The following GAB4 variants were observed in gnomAD, a reference collection of about 807,000 sequenced individuals.
GAB4 encodes GRB2 associated binding protein family member 4.
In GAB4, 26 loss-of-function variants were observed where a neutral mutation model predicts 51.3. The ratio of observed to expected loss-of-function variants is 0.51; its 90% CI spans 0.37 to 0.70. The LOEUF is 0.70. Among genes scored for constraint, GAB4 ranks in the 30% least tolerant of loss-of-function variants. GAB4 has a pLI of 0.00. For missense variants in GAB4, 759 were observed against 734.6 expected, an observed-to-expected ratio of 1.03 and a Z score of -0.38; for synonymous variants, 329 against 291.2, an observed-to-expected ratio of 1.13 and a Z score of -1.32.
chr22:16,964,826 G>C lies in GAB4; in HGVS notation c.1416C>G (p.Ile472Met), dbSNP rs1412424073. ...CTGTGTTGGTGATGCTCTGCGTGGA[G>C]ATGGGGTGTTGGGAGGAGCTGGAGT... ...TFDSSSSQHP[I>M]STQSITNTDS... The change falls in exon 8 of 10, where the codon ATC (isoleucine) becomes ATG (methionine). Residue 472 changes from isoleucine (I) to methionine (M), a missense_variant. This residue lies in a region of GAB4 where 588 missense variants were observed against 510.2 expected (regional missense o/e 1.15). Coordinates refer to ENST00000400588, the MANE Select transcript of GAB4 (RefSeq NM_001037814.1). 28 of 1,613,994 alleles carry C rather than the reference G, an allele frequency of 1.7e-5. No homozygotes were observed. Among genetic ancestry groups the C allele is most frequent in the Non-Finnish European group, 2.2e-5 (26 of 1,179,998 alleles).
chr22:16,997,463 T>A (rs2060959046), intron 1 of GAB4, among the ~76,000 whole-genome samples: 1 of 152,252 alleles, frequency 6.6e-6, no homozygotes, highest in Non-Finnish European at 1.5e-5. Context: ...TGTCTGTTCA[T>A]ATCCTTTGCC....
In GAB4 at chr22:16,962,875, G is replaced by A; in HGVS notation, c.1583C>T (p.Pro528Leu). Reference protein sequence around the residue: ...YAALDFQPSKPSIGSVTSGKK... With the variant: ...YAALDFQPSKLSIGSVTSGKK... ...GCCGGACGTGACAGAGCCTATGGATGGCTGAGGGACAGAGGGTGGAAGTGG... is the reference window on the plus strand; with the variant it reads ...GCCGGACGTGACAGAGCCTATGGATAGCTGAGGGACAGAGGGTGGAAGTGG... Residue 528 changes from proline to leucine, a missense_variant and splice_region_variant, in exon 10 of 10, where the codon CCA becomes CTA. By Grantham distance (98) the Pro-to-Leu change is moderately conservative. Transcript: ENST00000400588. The A allele has an allele frequency of 4.3e-6, 7 of 1,611,984 alleles. No homozygotes were observed. The highest frequency in any genetic ancestry group is 5.9e-6 in the Non-Finnish European group (7 of 1,178,804).
rs560216878 is a variant in GAB4 at position 16,963,915 on chromosome 22, G to A, written c.1477-86C>T. The A allele has an allele frequency of 1.6e-4, 159 of 992,188 alleles. 3 individuals are homozygous for A. The South Asian group carries it at 1.9e-3, about 12-fold the overall frequency. 61.5% of individuals were successfully genotyped at this position (992,188 alleles called of 1,614,324 possible). On this transcript the variant is annotated intron_variant, in intron 8 of 9. Transcript: ENST00000400588. ...GGAACACACCTGTGGGCGTAGCTAC[G>A]AGCCCACTGGGTCCTACTCTGAGCC...
At chr22:17,002,270 T>A (rs2061003783) in intron 1 of GAB4, among the ~76,000 whole-genome samples, 1 of 151,888 alleles carries the variant, frequency 6.6e-6, no homozygotes, top group African/African-American at 2.4e-5. Context: ...TATTTGGCCA[T>A]CTTGGAACCT....
intron 5 of GAB4, chr22:16,967,201 G>C (rs947516590): frequency 6.6e-6 from 1 of 151,222 alleles, no homozygotes; most frequent in Admixed American, 6.6e-5. Flanking sequence ...AGCACAGGCC[G>C]TGCACCATGC....
At chr22:16,997,910 C>T (rs1259875467) in intron 1 of GAB4, among the ~76,000 whole-genome samples, 1 of 152,192 alleles carries the variant, frequency 6.6e-6, no homozygotes, top group Non-Finnish European at 1.5e-5. Context: ...GGAATCCTTT[C>T]CCCATTTCTT....
At chr22:16,981,614 G>A (rs2123684741) in intron 3 of GAB4, among the ~76,000 whole-genome samples, 1 of 152,188 alleles carries the variant, frequency 6.6e-6, no homozygotes, top group Non-Finnish European at 1.5e-5. Context: ...GAAGTCACAA[G>A]ATAGACACAG....
intron 3 of GAB4, among the ~76,000 whole-genome samples, chr22:16,972,802 C>G (rs1466619844): frequency 6.6e-6 from 1 of 152,136 alleles, no homozygotes; most frequent in East Asian, 1.9e-4. Flanking sequence ...TTCCCAGGGC[C>G]TCTCCAGCTC....
chr22:16,989,983 G>A (rs892627237), intron 2 of GAB4, among the ~76,000 whole-genome samples: 6 of 152,058 alleles, frequency 3.9e-5, no homozygotes, highest in Non-Finnish European at 7.4e-5. Context: ...AGGTGTCCCC[G>A]ATGCTCCAAG....
chr22:17,001,896 G>A lies in GAB4; in HGVS notation c.174+6045C>T, dbSNP rs554984102. Among the ~76,000 whole-genome samples, 4 of 152,288 alleles carry A rather than the reference G, an allele frequency of 2.6e-5. No individual in the cohort carries two copies. In the South Asian group the frequency reaches 6.2e-4, roughly 24 times the overall value. ...CCTCCCTCAGCCTGGCTGCAGCCTC[G>A]CAGTTTGATCTCAGACTGCTGTGCT... On this transcript the variant is annotated intron_variant, in intron 1 of 9. Coordinates refer to ENST00000400588, the MANE Select transcript of GAB4 (RefSeq NM_001037814.1).
intron 1 of GAB4, among the ~76,000 whole-genome samples, chr22:16,994,248 A>G (rs940234632): frequency 2.7e-4 from 41 of 152,180 alleles, no homozygotes; most frequent in African/African-American, 9.9e-4. Context: ...GACTCATGGA[A>G]GGTCCCAAAG....
At chr22:17,002,892 T>C (rs2061009396) in intron 1 of GAB4, among the ~76,000 whole-genome samples, 1 of 151,324 alleles carries the variant, frequency 6.6e-6, no homozygotes, top group Admixed American at 6.6e-5. Flanking sequence ...GACTGGCAAA[T>C]TGGATAGAGT....
At position 16,988,065 on chromosome 22, in the gene GAB4, G is replaced by A; in HGVS notation, c.581C>T (p.Ser194Phe). The change falls in exon 3 of 10, where the codon TCT becomes TTT. Residue 194 changes from serine to phenylalanine, a missense_variant. Around this residue, in one of 3 missense-constraint regions of GAB4, gnomAD observed 588 missense variants for 510.2 expected, o/e 1.15. Transcript: ENST00000400588. ...QHLPQEQEPT[S>F]EPPVSHCVPP... ...CACACAGTGAGACACCGGGGGCTCA[G>A]ATGTGGGTTCTTGTTCTTGGGGGAG... is the stretch of plus-strand genomic sequence containing the variant. 1 of 1,608,714 alleles carries A rather than the reference G, an allele frequency of 6.2e-7. No individual in the cohort carries two copies. Among genetic ancestry groups the A allele is most frequent in the African/African-American group, 1.3e-5 (1 of 74,898 alleles).
At chr22:16,978,878 T>C (rs56390473) in intron 3 of GAB4, among the ~76,000 whole-genome samples, 13,108 of 152,212 alleles carry the variant, frequency 0.086, 718 homozygotes, top group Admixed American at 0.16. Flanking sequence ...TGGTTCAACA[T>C]ACGAAAATCA....
chr22:16,965,894 C>A (rs2060668402), intron 6 of GAB4, among the ~76,000 whole-genome samples: 1 of 152,176 alleles, frequency 6.6e-6, no homozygotes, highest in Admixed American at 6.5e-5. Flanking sequence ...CTGCTGTGAG[C>A]CAGGGCCACT....
intron 3 of GAB4, among the ~76,000 whole-genome samples, chr22:16,977,766 C>G (rs993558301): frequency 1.3e-5 from 2 of 152,056 alleles, no homozygotes; most frequent in African/African-American, 4.8e-5. Flanking sequence ...TAAAATTGAC[C>G]ACATAATTGG....
chr22:16,991,949 A>G lies in GAB4; in HGVS notation c.402T>C (p.Ala134=), dbSNP rs1259868856. The G allele has an allele frequency of 6.2e-7, 1 of 1,613,236 alleles. No individual in the cohort carries two copies. The highest frequency in any genetic ancestry group is 8.5e-7 in the Non-Finnish European group (1 of 1,179,140). Residue 134 remains alanine, a synonymous_variant, in exon 2 of 10, where the codon GCT becomes GCC. Coordinates refer to ENST00000400588, the MANE Select transcript of GAB4 (RefSeq NM_001037814.1). ...ACTCATTCATGTCCTCCCTGGTCTC[A>G]GCCACCAGGTAAAAGGTACGCTCAC... ...KTSERTFYLV[A]ETREDMNEWV...
intron 1 of GAB4, among the ~76,000 whole-genome samples, chr22:16,997,223 T>A (rs1569109815): frequency 6.6e-6 from 1 of 152,240 alleles, no homozygotes; most frequent in Non-Finnish European, 1.5e-5. Flanking sequence ...CGCCACACTG[T>A]CTTCCACAAT....
Position 17,008,039 on chromosome 22 carries a change from G to A in GAB4, c.76C>T (p.Pro26Ser). The A allele has an allele frequency of 6.2e-7, 1 of 1,608,872 alleles. No homozygotes were observed. The highest frequency in any genetic ancestry group is 8.5e-7 in the Non-Finnish European group (1 of 1,178,002). The stretch of plus-strand genomic sequence containing the variant: ...CTTCCGCCGGCGGGGCCACTTCCGG[G>A]CCACGAAGACAAAGGCGCAAATGCC... ...DPAFAPLSSW[P>S]GSGPAGGSTR... Residue 26 changes from proline (P) to serine (S), a missense_variant, in exon 1 of 10, where the codon CCC becomes TCC. Physicochemically the swap from Pro to Ser is moderately conservative, Grantham distance 74. Around this residue, in one of 3 missense-constraint regions of GAB4, gnomAD observed 83 missense variants for 73.1 expected, o/e 1.14. Coordinates refer to ENST00000400588, the MANE Select transcript of GAB4 (RefSeq NM_001037814.1).
Sources: allele counts gnomAD v4.1 joint callset (sites outside exome capture counted in the v4.1 genomes callset), GRCh38; gene constraint gnomAD v4.1.1; regional missense constraint gnomAD v4.1.1; transcripts MANE v1.5; gene names NCBI Gene and HGNC (gene_info 2026-07-23, HGNC 2026-07-21).